Variants in MMP26 observed in about 807,000 individuals in gnomAD.
The protein encoded by MMP26 is matrix metallopeptidase 26.
A neutral mutation model predicts 31.0 loss-of-function variants in MMP26; 33 were observed. That is an observed-to-expected ratio of 1.06 (90% CI 0.81 to 1.42). The LOEUF is 1.42. MMP26 is among the 40% of genes most tolerant of loss of function. MMP26 has a pLI of 0.00. For missense variants in MMP26, 347 were observed against 316.1 expected, an observed-to-expected ratio of 1.10 and a Z score of -0.74; for synonymous variants, 122 against 114.9, an observed-to-expected ratio of 1.06 and a Z score of -0.40.
intron 2 of MMP26, among the ~76,000 whole-genome samples, chr11:4,861,171 T>C (rs1850150872): frequency 6.7e-6 from 1 of 150,046 alleles, no homozygotes; most frequent in African/African-American, 2.4e-5. Context: ...TATAGAAGTA[T>C]ATATGTATTT....
intron 2 of MMP26, among the ~76,000 whole-genome samples, chr11:4,838,274 C>T (rs1393915222): frequency 6.4e-5 from 8 of 125,012 alleles, no homozygotes; most frequent in Non-Finnish European, 9.5e-5. Flanking sequence ...GCCGAGATCT[C>T]GCCATTGTGC....
At chr11:4,710,347 T>G (rs569558659) in intron 1 of MMP26, 1 of 456,766 alleles carries the variant, frequency 2.2e-6, no homozygotes, top group Admixed American at 2.3e-5. Flanking sequence ...ATGATCAGTT[T>G]GTCACCAGTG....
chr11:4,872,396 C>T (rs1850322584), intron 2 of MMP26, among the ~76,000 whole-genome samples: 1 of 152,036 alleles, frequency 6.6e-6, no homozygotes, highest in South Asian at 2.1e-4. Flanking sequence ...ATAGAACTAA[C>T]ACTTCTAACT....
chr11:4,891,781 A>G (rs988850670), intron 2 of MMP26, among the ~76,000 whole-genome samples: 4 of 152,206 alleles, frequency 2.6e-5, no homozygotes, highest in African/African-American at 4.8e-5. Flanking sequence ...TCTATAGCTC[A>G]ACATACACTT....
intron 2 of MMP26, chr11:4,832,881 G>A (rs374290873): frequency 6.6e-5 from 13 of 196,506 alleles, no homozygotes; most frequent in East Asian, 5.9e-4. Flanking sequence ...TGCTGTACTC[G>A]TCTTCTATGT....
At chr11:4,897,465 C>T (rs1850725379) in intron 2 of MMP26, among the ~76,000 whole-genome samples, 1 of 152,136 alleles carries the variant, frequency 6.6e-6, no homozygotes. Flanking sequence ...GTGACAAGTG[C>T]TATTTTGTAA....
intron 2 of MMP26, among the ~76,000 whole-genome samples, chr11:4,783,885 C>T (rs1255266109): frequency 6.6e-6 from 1 of 152,172 alleles, no homozygotes; most frequent in Non-Finnish European, 1.5e-5. Context: ...TCCTCGTCTT[C>T]CACTATGATT....
At chr11:4,854,704 G>A (rs935526473) in intron 2 of MMP26, among the ~76,000 whole-genome samples, 4 of 152,226 alleles carry the variant, frequency 2.6e-5, no homozygotes, top group African/African-American at 9.6e-5. Context: ...TGACAGCTTT[G>A]AAGAGAGTAG....
At chr11:4,906,474 T>A (rs530945111) in intron 2 of MMP26, among the ~76,000 whole-genome samples, 1 of 152,350 alleles carries the variant, frequency 6.6e-6, no homozygotes, top group African/African-American at 2.4e-5. Flanking sequence ...TATATAACAC[T>A]TGATGTAACA....
At position 4,990,712 on chromosome 11, in the gene MMP26, A is replaced by C; in HGVS notation, c.435A>C (p.Gly145=). 2.5e-6 allele frequency: 4 copies of C among 1,614,122 alleles called. No homozygotes were observed. The highest frequency in any genetic ancestry group is 3.4e-6 in the Non-Finnish European group (4 of 1,179,990). Residue 145 remains glycine (G), a synonymous_variant, in exon 5 of 8, where the codon GGA becomes GGC. Transcript: ENST00000380390. ...TPLIFQQVQN[G]DADIKVSFWQ... Reference sequence around the variant, plus strand: ...TGATATTCCAGCAAGTGCAGAATGGAGATGCAGACATCAAGGTTTCTTTCT... The same window carrying C: ...TGATATTCCAGCAAGTGCAGAATGGCGATGCAGACATCAAGGTTTCTTTCT...
At chr11:4,822,977 T>C (rs1849531123) in intron 2 of MMP26, among the ~76,000 whole-genome samples, 1 of 152,188 alleles carries the variant, frequency 6.6e-6, no homozygotes, top group Non-Finnish European at 1.5e-5. Context: ...GGTAATTACA[T>C]TGTTAACATT....
chr11:4,804,503 G>T (rs779518712), intron 2 of MMP26: 2 of 808,188 alleles, frequency 2.5e-6, no homozygotes, highest in Non-Finnish European at 4.5e-6. Context: ...CAGGGTGATT[G>T]GGTTTGATTA....
intron 2 of MMP26, among the ~76,000 whole-genome samples, chr11:4,856,458 A>T (rs894746166): frequency 6.6e-6 from 1 of 152,212 alleles, no homozygotes; most frequent in Non-Finnish European, 1.5e-5. Flanking sequence ...ACCAACAAAG[A>T]TCAAAAGAGA....
At chr11:4,717,570 C>A (rs1847951701) in intron 1 of MMP26, among the ~76,000 whole-genome samples, 1 of 150,284 alleles carries the variant, frequency 6.7e-6, no homozygotes. Context: ...CAAGTAGATA[C>A]ATGATGGTGG....
chr11:4,769,952 G>A (rs1848694833), intron 2 of MMP26: 1 of 1,055,258 alleles, frequency 9.5e-7, no homozygotes, highest in Non-Finnish European at 1.5e-6. Context: ...TCCTCACAAT[G>A]CTTCCATCCT....
At chr11:4,854,192 C>A (rs1451715567) in intron 2 of MMP26, among the ~76,000 whole-genome samples, 2 of 152,158 alleles carry the variant, frequency 1.3e-5, no homozygotes, top group African/African-American at 4.8e-5. Context: ...AACTGAGGCA[C>A]CAGGTTCATC....
At chr11:4,865,753 A>G (rs2133519625) in intron 2 of MMP26, among the ~76,000 whole-genome samples, 1 of 152,248 alleles carries the variant, frequency 6.6e-6, no homozygotes, top group South Asian at 2.1e-4. Flanking sequence ...GTGGAAAGAA[A>G]AAAGCAAAGC....
intron 2 of MMP26, chr11:4,848,968 A>G (rs751356202): frequency 1.9e-6 from 3 of 1,614,172 alleles, no homozygotes; most frequent in Admixed American, 1.7e-5. Flanking sequence ...GCAGTGACCA[A>G]TCCAATATCA....
At chr11:4,871,285 A>G (rs1010497689) in intron 2 of MMP26, among the ~76,000 whole-genome samples, 6 of 152,104 alleles carry the variant, frequency 3.9e-5, no homozygotes, top group Admixed American at 3.9e-4. Context: ...GGGATTGTAG[A>G]CCGCAATGTT....
Sources: allele counts gnomAD v4.1 joint callset (sites outside exome capture counted in the v4.1 genomes callset), GRCh38; gene constraint gnomAD v4.1.1; transcripts MANE v1.5; gene names NCBI Gene and HGNC (gene_info 2026-07-23, HGNC 2026-07-21).